ANO3: variants seen among roughly 807,000 people sequenced by gnomAD.
ANO3 encodes the protein anoctamin 3.
A neutral mutation model predicts 144.8 loss-of-function variants in ANO3; 99 were observed. The ratio of observed to expected loss-of-function variants is 0.68; its 90% confidence interval spans 0.58 to 0.81. The LOEUF is 0.81. Among genes scored for constraint, ANO3 ranks in the 30% least tolerant of loss-of-function variants. The pLI is 0.00. For missense variants in ANO3, 905 were observed against 1,202.2 expected (o/e 0.75, Z 3.66); for synonymous variants, 414 against 392.6 (o/e 1.05, Z -0.64).
intron 9 of ANO3, among the ~76,000 whole-genome samples, chr11:26,537,041 G>T (rs1426717584): frequency 6.6e-6 from 1 of 150,418 alleles, no homozygotes; most frequent in Non-Finnish European, 1.5e-5. Context: ...GACGGGGACT[G>T]GGTGGGATAT....
chr11:26,545,797 C>T lies in ANO3; in HGVS notation c.1155-1619C>T, dbSNP rs987654615. Reference sequence around the variant, plus strand: ...CAGTAGCAGCCCCCTCTTCCTCCCTCTTCCTCCTTGCTCTATTTGGAACAC... The same window carrying T: ...CAGTAGCAGCCCCCTCTTCCTCCCTTTTCCTCCTTGCTCTATTTGGAACAC... On this transcript the variant is annotated intron_variant, in intron 11 of 26. Transcript: ENST00000256737. Among the ~76,000 whole-genome samples the T allele has an allele frequency of 4.6e-5, 7 of 151,864 alleles. No homozygotes were observed. In the East Asian group the frequency reaches 1.4e-3, roughly 30 times the overall value.
rs147659780 is a variant in ANO3, at chr11:26,356,477, T to C, written c.46+24156T>C. On this transcript the variant is annotated intron_variant, in intron 1 of 26. Transcript: ENST00000256737. ...ATAGATTGCTTTGCATTTTCTAGAATTTTACATAAGTGACATAATACAGTA... is the reference window on the plus strand; with the variant it reads ...ATAGATTGCTTTGCATTTTCTAGAACTTTACATAAGTGACATAATACAGTA... Among the ~76,000 whole-genome samples, 46 of 152,334 alleles carry C rather than the reference T, an allele frequency of 3.0e-4. No individual in the cohort carries two copies. The East Asian group carries it at 8.3e-3, about 27-fold the overall frequency.
At chr11:26,604,582 A>G (rs1039136753) in intron 17 of ANO3, among the ~76,000 whole-genome samples, 2 of 152,190 alleles carry the variant, frequency 1.3e-5, no homozygotes, top group East Asian at 3.9e-4. Context: ...GTCATCTCAT[A>G]TTTCCTAGAG....
At chr11:26,390,158 T>C (rs1165368880) in intron 1 of ANO3, among the ~76,000 whole-genome samples, 3 of 152,192 alleles carry the variant, frequency 2.0e-5, no homozygotes, top group African/African-American at 7.2e-5. Flanking sequence ...GAAAATAGTG[T>C]GTGAAGCTCT....
chr11:26,525,531 G>A, intron 6 of ANO3, 104 bp from the exon 7 acceptor site: 1 of 834,746 alleles, frequency 1.2e-6, no homozygotes, highest in Non-Finnish European at 2.0e-6. Flanking sequence ...TAAGCATACG[G>A]AACTTGGAGT....
chr11:26,229,429 C>G (rs1209016959), intron 1 of ANO3, among the ~76,000 whole-genome samples: 1 of 152,132 alleles, frequency 6.6e-6, no homozygotes, highest in Non-Finnish European at 1.5e-5. Context: ...GTTGTTAACT[C>G]AGTATATTAA....
At chr11:26,510,148 A>AAG (rs1861606346) in intron 5 of ANO3, among the ~76,000 whole-genome samples, 1 of 147,164 alleles carries the variant, frequency 6.8e-6, no homozygotes. Flanking sequence ...AAAAAAAAAA[A>AAG]AAAAAGAGTA....
At chr11:26,309,655 G>A in exon 1 of ANO3, 1 of 985,332 alleles carries the variant, frequency 1.0e-6, no homozygotes, top group Non-Finnish European at 1.2e-6. Context: ...GTCTGCAAAA[G>A]TTGTGCTTTT....
In ANO3 at chr11:26,615,355, TC is replaced by T. The variant is rs1440404034; in HGVS notation, c.1837-9103del. 3.3e-5 allele frequency among the ~76,000 whole-genome samples: 5 copies of T among 149,430 alleles called. No homozygotes were observed. In the East Asian group the frequency reaches 5.9e-4, roughly 17 times the overall value. On this transcript the variant is annotated intron_variant, in intron 17 of 26. Transcript: ENST00000256737. ...CTGTTCTCATGTGTGGTTCCCTCTCTCCCCTGGCTTTCGCAATACTGTCTAA... is the reference window on the plus strand; with the variant it reads ...CTGTTCTCATGTGTGGTTCCCTCTCTCCCTGGCTTTCGCAATACTGTCTAA...
intron 1 of ANO3, among the ~76,000 whole-genome samples, chr11:26,396,081 TAAAC>T (rs1329042245): frequency 1.3e-5 from 2 of 151,918 alleles, no homozygotes; most frequent in African/African-American, 4.8e-5. Context: ...ACAAAGAACT[TAAAC>T]AAATTTACAA....
intron 1 of ANO3, among the ~76,000 whole-genome samples, chr11:26,213,062 C>T (rs1851966760): frequency 6.6e-6 from 1 of 152,066 alleles, no homozygotes. Flanking sequence ...GCAGAAAAGG[C>T]CTTTGACAAA....
At chr11:26,429,162 G>C (rs191133098) in intron 1 of ANO3, among the ~76,000 whole-genome samples, 89 of 152,244 alleles carry the variant, frequency 5.8e-4, no homozygotes, top group Non-Finnish European at 1.0e-3. Flanking sequence ...TACCCCAGGT[G>C]GGGGTAGGGG....
chr11:26,605,585 T>C (rs1431569587), intron 17 of ANO3, among the ~76,000 whole-genome samples: 1 of 152,214 alleles, frequency 6.6e-6, no homozygotes, highest in East Asian at 1.9e-4. Context: ...AGGCTATTAA[T>C]TACTGCATCA....
intron 1 of ANO3, among the ~76,000 whole-genome samples, chr11:26,407,074 G>GTATATATATA (rs1366416693): frequency 4.4e-4 from 45 of 101,634 alleles, no homozygotes; most frequent in Non-Finnish European, 5.4e-4. Context: ...GTGTGTGTGT[G>GTATATATATA]TGTATATATA....
chr11:26,442,137 G>C, intron 2 of ANO3, 25 bp downstream of exon 2: 1 of 1,598,876 alleles, frequency 6.3e-7, no homozygotes, highest in Non-Finnish European at 8.5e-7. Context: ...CTATTTTCTT[G>C]TTCAATTTAT....
intron 18 of ANO3, among the ~76,000 whole-genome samples, chr11:26,628,007 T>A (rs1405397907): frequency 6.6e-6 from 1 of 152,178 alleles, no homozygotes; most frequent in Non-Finnish European, 1.5e-5. Context: ...TTTTTCCAAG[T>A]ATTTTCAAAA....
chr11:26,524,294 G>A (rs565443730), intron 6 of ANO3, among the ~76,000 whole-genome samples: 1 of 152,282 alleles, frequency 6.6e-6, no homozygotes, highest in South Asian at 2.1e-4. Context: ...GATATAACAA[G>A]TTTCAATGTT....
intron 4 of ANO3, among the ~76,000 whole-genome samples, chr11:26,492,508 G>T (rs1860750594): frequency 6.6e-6 from 1 of 152,104 alleles, no homozygotes; most frequent in Admixed American, 6.6e-5. Context: ...ATGTTAGATA[G>T]TGATTTATCA....
chr11:26,236,624 C>T (rs1165319802), intron 1 of ANO3, among the ~76,000 whole-genome samples: 1 of 152,018 alleles, frequency 6.6e-6, no homozygotes, highest in African/African-American at 2.4e-5. Context: ...CAAGACCATC[C>T]TGGCTAACAC....
Sources: allele counts gnomAD v4.1 joint callset (sites outside exome capture counted in the v4.1 genomes callset), GRCh38; gene constraint gnomAD v4.1.1; transcripts MANE v1.5; gene names NCBI Gene and HGNC (gene_info 2026-07-23, HGNC 2026-07-21).